The following HERC2 variants were observed in gnomAD, a reference collection of about 807,000 sequenced individuals.
HERC2 encodes the protein HECT and RLD domain containing E3 ubiquitin protein ligase 2.
HERC2 carries 102 observed loss-of-function variants against 537.7 expected under a neutral mutation model. The ratio of observed to expected loss-of-function variants is 0.19; its 90% confidence interval spans 0.16 to 0.22. The LOEUF (loss-of-function observed/expected upper bound fraction) is 0.22, where lower values mean the gene tolerates loss of function less well. Among genes scored for constraint, HERC2 ranks in the 10% least tolerant of loss-of-function variants. HERC2 has a pLI of 1.00. For missense variants in HERC2, 4,236 were observed against 6,198.2 expected, an observed-to-expected ratio of 0.68 and a Z score of 10.63; for synonymous variants, 2,224 against 2,466.2, an observed-to-expected ratio of 0.90 and a Z score of 2.91.
At position 28,176,355 on chromosome 15, in the gene HERC2, T is replaced by C. The variant is rs917644637; in HGVS notation, c.9686+73A>G. ...ACGTCACAATCACGCCGGGTGAGCC[T>C]GGGGCGAGGCCCAGGTTCCCTGCAC... On this transcript the variant is annotated intron_variant, in intron 63 of 92. Coordinates refer to ENST00000261609, the MANE Select transcript of HERC2 (RefSeq NM_004667.6). The surrounding 1 kb of genome is among the most constrained non-coding windows in gnomAD (Gnocchi z 5.0). 2.1e-5 allele frequency: 31 copies of C among 1,452,410 alleles called. No homozygotes were observed. Among genetic ancestry groups the C allele is most frequent in the Non-Finnish European group, 3.0e-5 (31 of 1,046,702 alleles). The allele number at this position is 1,452,410 out of a possible 1,614,324, so 90.0% of individuals were successfully genotyped here. A position where few individuals can be genotyped will look rare whatever the true frequency, so the allele number is the denominator to read the frequency against.
rs1464651314 is a variant in HERC2, at chr15:28,268,487, G to A, written c.1576C>T (p.Arg526Trp). The change falls in exon 12 of 93, where the codon CGG becomes TGG. Residue 526 changes from arginine (R) to tryptophan (W), a missense_variant. This residue lies in a region of HERC2 where 754 missense variants were observed against 1,085.0 expected (regional missense o/e 0.69). Transcript: ENST00000261609. This position sits in a 1 kb window ranked among gnomAD's most constrained non-coding sequence, Gnocchi z 4.7. ...VYSWGCGDGG[R>W]LGHGDTVPLE... The stretch of plus-strand genomic sequence containing the variant: ...TACACAGTGTCCCCATGGCCCAGCC[G>A]TCCGCCGTCCCCACAGCCCCAGGAG... 7.4e-6 allele frequency: 12 copies of A among 1,613,786 alleles called. No individual in the cohort carries two copies. The highest frequency in any genetic ancestry group is 1.0e-5 in the Non-Finnish European group (12 of 1,179,874).
Position 28,265,905 on chromosome 15 carries a change from G to T in HERC2, c.1668C>A (p.Ile556=), listed in dbSNP as rs201142266. ...CCGCACTGTAAGTGCTCCCGCAAGC[G>T]ATGTGCACCACGTGCTTCCCGGCCT... is the stretch of plus-strand genomic sequence containing the variant. ...GKQAGKHVVH[I]ACGSTYSAAI... Residue 556 remains isoleucine, a synonymous_variant, in exon 13 of 93, where the codon ATC becomes ATA. Transcript: ENST00000261609. This position sits in a 1 kb window ranked among gnomAD's most constrained non-coding sequence, Gnocchi z 4.0. 23 of 1,614,044 alleles carry T rather than the reference G, an allele frequency of 1.4e-5. No individual in the cohort carries two copies. Among genetic ancestry groups the T allele is most frequent in the Non-Finnish European group, 1.9e-5 (23 of 1,180,028 alleles).
rs1887834852 is a variant in HERC2, at chr15:28,113,150, A to T, written c.14153T>A (p.Leu4718His). Reference protein sequence around the residue: ...MESFSNTERSLFLRFVWGRTR... With the variant: ...MESFSNTERSHFLRFVWGRTR... Reference sequence around the variant, plus strand: ...CCGGCCCCAGACGAAGCGAAGGAAAAGAGAGCGCTCTGTGTTGGAGAAGGA... The same window carrying T: ...CCGGCCCCAGACGAAGCGAAGGAAATGAGAGCGCTCTGTGTTGGAGAAGGA... The change falls in exon 92 of 93, where the codon CTT becomes CAT. Residue 4718 changes from leucine (L) to histidine (H), a missense_variant. Around this residue, in one of 27 missense-constraint regions of HERC2, gnomAD observed 313 missense variants for 462.6 expected, o/e 0.68. Transcript: ENST00000261609. The surrounding 1 kb of genome is among the most constrained non-coding windows in gnomAD (Gnocchi z 7.0). 1 of 1,613,968 alleles carries T rather than the reference A, an allele frequency of 6.2e-7. No homozygotes were observed. The highest frequency in any genetic ancestry group is 8.5e-7 in the Non-Finnish European group (1 of 1,180,046).
chr15:28,146,247 G>C lies in HERC2; in HGVS notation c.10998C>G (p.Ser3666=), dbSNP rs146521940. The change falls in exon 71 of 93, where the codon TCC becomes TCG. Residue 3666 remains serine (S), a synonymous_variant. Transcript: ENST00000261609. The part of the protein sequence containing the change: ...TVMDGVNRIV[S]VRSGREWSDW... ...ACCTCCTGTCCTTACCTGACCGCAC[G>C]GAGACGATCCTGTTGACGCCGTCCA... 17 of 1,613,398 alleles carry C rather than the reference G, an allele frequency of 1.1e-5. No homozygotes were observed. Among genetic ancestry groups the C allele is most frequent in the Non-Finnish European group, 1.4e-5 (17 of 1,179,548 alleles).
chr15:28,309,381 G>A (rs1032780985), intron 2 of HERC2, among the ~76,000 whole-genome samples: 5 of 152,094 alleles, frequency 3.3e-5, no homozygotes, highest in African/African-American at 1.2e-4. Context: ...AATAGTTATA[G>A]CCTCTTGCTG....
At chr15:28,135,374 G>T in intron 79 of HERC2, 104 bp downstream of exon 79, 1 of 854,438 alleles carries the variant, frequency 1.2e-6, no homozygotes, top group Non-Finnish European at 1.9e-6. Context: ...TGAGAGTATT[G>T]TAAATGTTGC....
chr15:28,172,984 G>A (rs918955261), intron 65 of HERC2, among the ~76,000 whole-genome samples: 15 of 152,176 alleles, frequency 9.9e-5, no homozygotes, highest in Non-Finnish European at 1.6e-4. Flanking sequence ...TATCTGATTC[G>A]TAAATAAGCA....
intron 78 of HERC2, among the ~76,000 whole-genome samples, chr15:28,140,066 T>TC (rs1555405256): frequency 6.8e-6 from 1 of 146,188 alleles, no homozygotes; most frequent in Non-Finnish European, 1.5e-5. Flanking sequence ...AGACTCTGTC[T>TC]CAAAAAAAAA....
intron 2 of HERC2, among the ~76,000 whole-genome samples, chr15:28,313,866 A>C (rs4457970): frequency 3.9e-5 from 6 of 152,122 alleles, no homozygotes; most frequent in South Asian, 2.1e-4. Flanking sequence ...AACCTAAGCA[A>C]GCAGGGATGA....
intron 35 of HERC2, among the ~76,000 whole-genome samples, chr15:28,224,187 A>G (rs960927068): frequency 4.6e-5 from 7 of 151,998 alleles, no homozygotes; most frequent in African/African-American, 1.7e-4. Context: ...AGAAACAGAC[A>G]GACAGACAGA....
At chr15:28,261,718 GAC>G (rs2075419336) in intron 15 of HERC2, among the ~76,000 whole-genome samples, 1 of 152,114 alleles carries the variant, frequency 6.6e-6, no homozygotes, top group African/African-American at 2.4e-5. Flanking sequence ...ACCATTCAAT[GAC>G]ACAGAGTAAA....
intron 2 of HERC2, among the ~76,000 whole-genome samples, chr15:28,301,040 C>G (rs115304007): frequency 1.3e-5 from 2 of 151,840 alleles, no homozygotes; most frequent in African/African-American, 4.8e-5. Flanking sequence ...CAATAAAAGA[C>G]GCTAGGGCTC....
chr15:28,149,520 G>A (rs141788947), intron 70 of HERC2, among the ~76,000 whole-genome samples: 155 of 136,172 alleles, frequency 1.1e-3, no homozygotes, highest in African/African-American at 3.8e-3. Context: ...AAACACACGC[G>A]GCTCCTAACC....
chr15:28,124,997 C>T lies in HERC2; in HGVS notation c.12990+9G>A, dbSNP rs375294632. 21 of 1,586,278 alleles carry T rather than the reference C, an allele frequency of 1.3e-5. No individual in the cohort carries two copies. The highest frequency in any genetic ancestry group is 8.1e-5 in the African/African-American group (6 of 74,500). On this transcript the variant is annotated intron_variant, in intron 84 of 92. Coordinates refer to ENST00000261609, the MANE Select transcript of HERC2 (RefSeq NM_004667.6). ...TTGCCCCCGACCCACCCAACCTGCC[C>T]GGACTCACCTGTGCAGGGAGTTTGC...
chr15:28,216,260 G>A (rs1339274878), intron 38 of HERC2, among the ~76,000 whole-genome samples: 4 of 151,622 alleles, frequency 2.6e-5, no homozygotes, highest in Admixed American at 6.6e-5. Flanking sequence ...TTTTAATTTC[G>A]TGTTTTAAAT....
intron 80 of HERC2, 74 bp downstream of exon 80, chr15:28,132,579 G>A (rs1421863368): frequency 1.5e-6 from 2 of 1,311,554 alleles, no homozygotes; most frequent in East Asian, 5.5e-5. Flanking sequence ...TAACAACGGT[G>A]GCAAACCGCC....
intron 83 of HERC2, among the ~76,000 whole-genome samples, chr15:28,127,978 T>C (rs1411697044): frequency 6.6e-6 from 1 of 152,156 alleles, no homozygotes; most frequent in African/African-American, 2.4e-5. Context: ...GTGAAAAGCA[T>C]GGCAGACAAT....
intron 2 of HERC2, among the ~76,000 whole-genome samples, chr15:28,308,525 T>C (rs2076854536): frequency 1.3e-5 from 2 of 152,240 alleles, no homozygotes; most frequent in Admixed American, 6.5e-5. Flanking sequence ...TCCTTTCCAA[T>C]GTGGAGGCCT....
chr15:28,214,467 G>A (rs1162772404), intron 40 of HERC2, among the ~76,000 whole-genome samples, 188 bp downstream of exon 40: 5 of 106,468 alleles, frequency 4.7e-5, no homozygotes, highest in African/African-American at 1.8e-4. Flanking sequence ...AGACGGCCAC[G>A]CACCTCTGAG....
Sources: allele counts gnomAD v4.1 joint callset (sites outside exome capture counted in the v4.1 genomes callset), GRCh38; gene constraint gnomAD v4.1.1; regional missense constraint gnomAD v4.1.1; non-coding constraint Gnocchi (gnomAD v3.1); transcripts MANE v1.5; gene names NCBI Gene and HGNC (gene_info 2026-07-23, HGNC 2026-07-21).